The following CAPN7 variants were observed in gnomAD, a reference collection of about 807,000 sequenced individuals.
The protein encoded by CAPN7 is calpain 7.
In CAPN7, 72 loss-of-function variants were observed where a neutral mutation model predicts 115.2. That is an observed-to-expected ratio of 0.63 (90% confidence interval 0.52 to 0.76). The LOEUF (loss-of-function observed/expected upper bound fraction) is 0.76. Among genes scored for constraint, CAPN7 ranks in the 30% least tolerant of loss-of-function variants. CAPN7 has a pLI of 0.00. For missense variants in CAPN7, 905 were observed against 971.5 expected, an observed-to-expected ratio of 0.93 and a Z score of 0.91; for synonymous variants, 344 against 322.3, an observed-to-expected ratio of 1.07 and a Z score of -0.72.
At chr3:15,249,776 T>G (rs1202374213) in intron 19 of CAPN7, among the ~76,000 whole-genome samples, 2 of 150,660 alleles carry the variant, frequency 1.3e-5, no homozygotes, top group Non-Finnish European at 3.0e-5. Context: ...TTTTTTTTCT[T>G]TTTTTTTTGA....
At chr3:15,207,652 T>G (rs953496614) in intron 1 of CAPN7, among the ~76,000 whole-genome samples, 1 of 151,832 alleles carries the variant, frequency 6.6e-6, no homozygotes, top group Non-Finnish European at 1.5e-5. Context: ...TTTTTTTTTT[T>G]TTATTCTTTA....
Position 15,217,282 on chromosome 3 carries a change from T to C in CAPN7, c.212-143T>C, listed in dbSNP as rs1010731218. 4 of 713,870 alleles carry C rather than the reference T, an allele frequency of 5.6e-6. No homozygotes were observed. The East Asian group carries it at 9.6e-5, about 17-fold the overall frequency. 44.2% of individuals were successfully genotyped at this position (713,870 alleles called of 1,614,324 possible). A position where few individuals can be genotyped will look rare whatever the true frequency, so the allele number is the denominator to read the frequency against. ...AAAGAAGGGAGGAAATTTGTCCTTT[T>C]TTAAGGATTTTTTTAACCTTGCTAA... On this transcript the variant is annotated intron_variant, in intron 2 of 20. Coordinates refer to ENST00000253693, the MANE Select transcript of CAPN7 (RefSeq NM_014296.3).
In CAPN7 at chr3:15,245,563, C is replaced by G; in HGVS notation, c.1902C>G (p.Asn634Lys). Residue 634 changes from asparagine to lysine, a missense_variant, in exon 17 of 21, where the codon AAC becomes AAG. Coordinates refer to ENST00000253693, the MANE Select transcript of CAPN7 (RefSeq NM_014296.3). The part of the protein sequence containing the change: ...PPPYIDGIRI[N>K]SPHYLTKIKL... Reference sequence around the variant, plus strand: ...CATACATTGATGGAATTCGAATTAACAGCCCTCATTATTTGACTAAGATAA... The same window carrying G: ...CATACATTGATGGAATTCGAATTAAGAGCCCTCATTATTTGACTAAGATAA... 1 of 1,613,726 alleles carries G rather than the reference C, an allele frequency of 6.2e-7. No individual in the cohort carries two copies. Among genetic ancestry groups the G allele is most frequent in the Non-Finnish European group, 8.5e-7 (1 of 1,179,802 alleles).
rs111723882 is a variant in CAPN7 at position 15,246,780 on chromosome 3, A to C, written c.2059A>C (p.Thr687Pro). ...FTFSKIPSPY[T>P]LSKRINGKWS... Reference sequence around the variant, plus strand: ...TTTTTCAAAGATTCCTTCACCATACACCTTATCAAAACGGGTGAGAAAATT... The same window carrying C: ...TTTTTCAAAGATTCCTTCACCATACCCCTTATCAAAACGGGTGAGAAAATT... The change falls in exon 18 of 21, where the codon ACC (threonine) becomes CCC (proline). Residue 687 changes from threonine to proline, a missense_variant. This residue lies in a region of CAPN7 where 620 missense variants were observed against 703.4 expected (regional missense o/e 0.88). Coordinates refer to ENST00000253693, the MANE Select transcript of CAPN7 (RefSeq NM_014296.3). 2 of 1,604,210 alleles carry C rather than the reference A, an allele frequency of 1.2e-6. No individual in the cohort carries two copies. Among genetic ancestry groups the C allele is most frequent in the African/African-American group, 2.7e-5 (2 of 74,348 alleles).
chr3:15,235,148 T>C lies in CAPN7; in HGVS notation c.1407+3T>C. The stretch of plus-strand genomic sequence containing the variant: ...TTTTGGATATTAGAGAGTTCAAGGT[T>C]TTGCCTTAAATCTTTTTCTTTTATT... On this transcript the variant is annotated splice_donor_region_variant and intron_variant, in intron 12 of 20. Transcript: ENST00000253693. 6.3e-7 allele frequency: 1 copy of C among 1,584,844 alleles called. No individual in the cohort carries two copies.
intron 1 of CAPN7, among the ~76,000 whole-genome samples, chr3:15,211,736 A>G (rs1347640117): frequency 1.3e-5 from 2 of 152,122 alleles, no homozygotes; most frequent in African/African-American, 4.8e-5. Context: ...CTCTACTAAA[A>G]ATACAAAAAT....
chr3:15,239,163 C>T (rs572429853), intron 12 of CAPN7, among the ~76,000 whole-genome samples: 1 of 152,208 alleles, frequency 6.6e-6, no homozygotes, highest in East Asian at 1.9e-4. Context: ...AATGAAGCTT[C>T]TAGGGAATAT....
chr3:15,231,923 TA>T (rs1289200639), intron 9 of CAPN7, among the ~76,000 whole-genome samples: 1 of 152,192 alleles, frequency 6.6e-6, no homozygotes. Context: ...CTCTTACAAC[TA>T]TACATGAGTC....
chr3:15,225,108 A>G (rs1216679116), intron 6 of CAPN7, among the ~76,000 whole-genome samples: 1 of 152,232 alleles, frequency 6.6e-6, no homozygotes, highest in Admixed American at 6.5e-5. Flanking sequence ...AGTTAATAAA[A>G]TGTAAAACCC....
intron 2 of CAPN7, among the ~76,000 whole-genome samples, chr3:15,214,666 C>G (rs1240834215): frequency 6.6e-6 from 1 of 152,112 alleles, no homozygotes; most frequent in South Asian, 2.1e-4. Flanking sequence ...TGCACTGACC[C>G]GTGATTACAC....
intron 1 of CAPN7, 85 bp from the exon 2 acceptor site, chr3:15,212,019 G>A: frequency 1.6e-6 from 1 of 632,684 alleles, no homozygotes; most frequent in Non-Finnish European, 2.5e-6. Flanking sequence ...GTCATTCATG[G>A]AAACCAATAT....
chr3:15,206,746 C>T (rs2044649352), intron 1 of CAPN7, 149 bp downstream of exon 1: 1 of 626,230 alleles, frequency 1.6e-6, no homozygotes, highest in Non-Finnish European at 2.7e-6. Context: ...TTGTTGGGAG[C>T]GGCAAGCCCG....
chr3:15,237,470 G>A (rs1472229652), intron 12 of CAPN7, among the ~76,000 whole-genome samples: 1 of 152,128 alleles, frequency 6.6e-6, no homozygotes, highest in Non-Finnish European at 1.5e-5. Flanking sequence ...GGGACCTATT[G>A]CACCATTTTA....
At chr3:15,215,528 CTTG>C (rs1380620196) in intron 2 of CAPN7, among the ~76,000 whole-genome samples, 19 of 152,184 alleles carry the variant, frequency 1.2e-4, no homozygotes, top group African/African-American at 4.3e-4. Flanking sequence ...CACCACTAAT[CTTG>C]TTGTTTCTAT....
At chr3:15,240,719 G>T in intron 13 of CAPN7, 35 bp from the exon 14 acceptor site, 1 of 1,569,900 alleles carries the variant, frequency 6.4e-7, no homozygotes, top group Non-Finnish European at 8.7e-7. Flanking sequence ...TTAGCATTAA[G>T]ATTTTTTTAG....
Position 15,220,889 on chromosome 3 carries a change from TCC to T in CAPN7, c.548_549del (p.Pro183LeufsTer3). The T allele has an allele frequency of 6.2e-7, 1 of 1,614,186 alleles. No individual in the cohort carries two copies. On this transcript the variant is annotated frameshift_variant, in exon 5 of 21. Transcript: ENST00000253693. LOFTEE classifies it high-confidence loss of function. ...VRAHFPLGAN[P>X]FLERPQSFIS... ...GAGCACATTTTCCACTGGGCGCTAA[TCC>T]CTTCCTTGAAAGACCTCAGTCATTT...
In CAPN7 at chr3:15,213,829, C is replaced by G. The variant is rs532064891; in HGVS notation, c.211+1617C>G. On this transcript the variant is annotated intron_variant, in intron 2 of 20. Coordinates refer to ENST00000253693, the MANE Select transcript of CAPN7 (RefSeq NM_014296.3). The stretch of plus-strand genomic sequence containing the variant: ...ATATTCAAGCATCAAATGAGACACC[C>G]CAATCTCTTGAAGAATAAAGACTTG... Among the ~76,000 whole-genome samples, 6 of 152,024 alleles carry G rather than the reference C, an allele frequency of 3.9e-5. No individual in the cohort carries two copies. The East Asian group carries it at 9.7e-4, about 24-fold the overall frequency.
intron 1 of CAPN7, chr3:15,210,817 T>A (rs1002949475): frequency 8.5e-6 from 11 of 1,289,464 alleles, no homozygotes; most frequent in East Asian, 5.5e-5. Context: ...GTGAAACAAC[T>A]CCTGCTCAAA....
intron 2 of CAPN7, among the ~76,000 whole-genome samples, chr3:15,214,516 A>C (rs562446449): frequency 1.3e-5 from 2 of 152,192 alleles, no homozygotes; most frequent in South Asian, 4.1e-4. Flanking sequence ...TGAATCTAGG[A>C]GTTCAAGATC....
Sources: allele counts gnomAD v4.1 joint callset (sites outside exome capture counted in the v4.1 genomes callset), GRCh38; gene constraint gnomAD v4.1.1; regional missense constraint gnomAD v4.1.1; transcripts MANE v1.5; gene names NCBI Gene and HGNC (gene_info 2026-07-23, HGNC 2026-07-21).